Variants in MED12L observed in about 807,000 individuals in gnomAD.
The protein encoded by MED12L is mediator of RNA polymerase II transcription subunit 12-like protein.
In MED12L, 60 loss-of-function variants were observed where a neutral mutation model predicts 281.3. That is an observed-to-expected ratio of 0.21 (90% CI 0.17 to 0.26). The LOEUF (loss-of-function observed/expected upper bound fraction) is 0.26, where lower values mean the gene tolerates loss of function less well. MED12L is among the 10% of genes least tolerant of loss of function. The pLI is 1.00. For synonymous variants in MED12L, 974 were observed against 987.2 expected (o/e 0.99, Z 0.25); for missense variants, 2,146 against 2,680.9 (o/e 0.80, Z 4.41).
Position 151,252,949 on chromosome 3 carries a change from G to C in MED12L, c.2250+59283G>C, listed in dbSNP as rs2870521. Among the ~76,000 whole-genome samples the C allele has an allele frequency of 3.7e-4, 56 of 152,210 alleles. 1 individual carries two copies. The highest frequency in any genetic ancestry group is 1.1e-3 in the African/African-American group (47 of 41,534). ...ATGTACTACATTAAAATGACATAGG[G>C]AATGTGTATACATTTAGGAGAATAT... On this transcript the variant is annotated intron_variant, in intron 16 of 44. Coordinates refer to ENST00000687756, the MANE Select transcript of MED12L (RefSeq NM_001393769.1).
At chr3:151,344,966 T>C (rs1457483903) in intron 16 of MED12L, among the ~76,000 whole-genome samples, 2 of 152,210 alleles carry the variant, frequency 1.3e-5, no homozygotes, top group Non-Finnish European at 2.9e-5. Flanking sequence ...AAAGATGAAT[T>C]AGAGCAGACC....
chr3:151,400,419 A>G (rs1715526271), intron 39 of MED12L, among the ~76,000 whole-genome samples: 1 of 152,224 alleles, frequency 6.6e-6, no homozygotes, highest in Non-Finnish European at 1.5e-5. Flanking sequence ...ATCATTAATC[A>G]TAAGGATTTT....
chr3:151,209,267 T>G (rs1452621539), intron 16 of MED12L, among the ~76,000 whole-genome samples: 4 of 152,220 alleles, frequency 2.6e-5, no homozygotes, highest in Admixed American at 2.6e-4. Context: ...ATCTTGAGAT[T>G]GCTTTGGGGC....
intron 16 of MED12L, among the ~76,000 whole-genome samples, chr3:151,209,086 CT>C (rs1461817520): frequency 6.6e-6 from 1 of 152,128 alleles, no homozygotes; most frequent in Non-Finnish European, 1.5e-5. Context: ...CAATGAACAC[CT>C]TCAAAAAGTA....
intron 5 of MED12L, among the ~76,000 whole-genome samples, chr3:151,152,085 GTTTTTTTTT>G (rs141353889): frequency 7.9e-5 from 5 of 63,020 alleles, no homozygotes; most frequent in African/African-American, 3.1e-4. Flanking sequence ...GTTGAAGGTG[GTTTTTTTTT>G]TTTTTTTTTT....
At chr3:151,300,757 C>G (rs1745799285) in intron 16 of MED12L, among the ~76,000 whole-genome samples, 1 of 152,148 alleles carries the variant, frequency 6.6e-6, no homozygotes, top group South Asian at 2.1e-4. Context: ...ACAAAGCAAA[C>G]TTGAGGCTGG....
chr3:151,359,846 T>C (rs1384550676), intron 20 of MED12L, among the ~76,000 whole-genome samples: 1 of 152,160 alleles, frequency 6.6e-6, no homozygotes, highest in Non-Finnish European at 1.5e-5. Flanking sequence ...TATGGACTTC[T>C]GTGTTGTATG....
chr3:151,154,177 G>T (rs916367040), intron 5 of MED12L, among the ~76,000 whole-genome samples: 2 of 151,938 alleles, frequency 1.3e-5, no homozygotes, highest in Admixed American at 6.6e-5. Context: ...TTACTAATCC[G>T]CATCCACTCG....
chr3:151,307,584 T>C (rs971751903), intron 16 of MED12L, among the ~76,000 whole-genome samples: 3 of 112,066 alleles, frequency 2.7e-5, no homozygotes, highest in Middle Eastern at 5.7e-3. Context: ...TGTGTGTGTG[T>C]GTTTAGAGCA....
At chr3:151,278,399 A>G (rs572358106) in intron 16 of MED12L, 1 of 152,350 alleles carries the variant, frequency 6.6e-6, no homozygotes, top group African/African-American at 2.4e-5. Flanking sequence ...TCAACTACGG[A>G]TGAAAATCAG....
intron 16 of MED12L, among the ~76,000 whole-genome samples, chr3:151,236,719 CT>C (rs1221535198): frequency 5.5e-4 from 83 of 152,230 alleles, no homozygotes; most frequent in African/African-American, 1.9e-3. Context: ...TATGTAATCT[CT>C]TCATGATTTT....
intron 16 of MED12L, chr3:151,327,834 C>G (rs192372273): frequency 2.2e-5 from 12 of 542,298 alleles, no homozygotes; most frequent in Non-Finnish European, 3.5e-5. Flanking sequence ...ATGAATAGAT[C>G]TATGTGGATT....
intron 16 of MED12L, chr3:151,327,947 CG>C (rs1560032788): frequency 2.2e-6 from 3 of 1,333,734 alleles, no homozygotes; most frequent in Non-Finnish European, 3.1e-6. Context: ...ACATTATCTA[CG>C]GAAGTCTCAT....
At chr3:151,239,608 A>C (rs1256480194) in intron 16 of MED12L, among the ~76,000 whole-genome samples, 1 of 152,226 alleles carries the variant, frequency 6.6e-6, no homozygotes, top group East Asian at 1.9e-4. Flanking sequence ...TATAACTGTC[A>C]CAATTTTAAT....
intron 38 of MED12L, among the ~76,000 whole-genome samples, chr3:151,392,644 CCCA>C (rs2108240604): frequency 6.6e-6 from 1 of 152,146 alleles, no homozygotes; most frequent in Admixed American, 6.5e-5. Context: ...AAAACAATCT[CCCA>C]CCATCACTCA....
intron 16 of MED12L, among the ~76,000 whole-genome samples, chr3:151,322,465 G>A (rs568709618): frequency 4.6e-5 from 7 of 152,104 alleles, no homozygotes; most frequent in East Asian, 1.9e-4. Context: ...CCAAAATGCT[G>A]GGATTATAGG....
intron 16 of MED12L, among the ~76,000 whole-genome samples, chr3:151,314,188 C>G (rs142733874): frequency 7.9e-5 from 12 of 152,176 alleles, no homozygotes; most frequent in Non-Finnish European, 1.5e-4. Context: ...CTAAATGGAA[C>G]TTAATCAGTG....
intron 16 of MED12L, among the ~76,000 whole-genome samples, chr3:151,341,905 A>G (rs912603275): frequency 7.9e-5 from 12 of 152,064 alleles, no homozygotes; most frequent in Admixed American, 7.2e-4. Flanking sequence ...AAGGACATGA[A>G]CTCATCATTT....
In MED12L at chr3:151,360,479, G is replaced by A; in HGVS notation, c.2831G>A (p.Cys944Tyr). ...DQTAQVFEGLCGVVKHVVNPS... is the reference protein window; with the variant it reads ...DQTAQVFEGLYGVVKHVVNPS... ...TCGTATATTTTTCTCCTCAGGTTGT[G>A]TGGTGTGGTCAAGCATGTCGTAAAC... The change falls in exon 21 of 45, where the codon TGT becomes TAT. Residue 944 changes from cysteine to tyrosine, a missense_variant. By Grantham distance (194) the Cys-to-Tyr change is radical. Around this residue, in one of 9 missense-constraint regions of MED12L, gnomAD observed 404 missense variants for 603.5 expected, o/e 0.67. Coordinates refer to ENST00000687756, the MANE Select transcript of MED12L (RefSeq NM_001393769.1). 6.2e-7 allele frequency: 1 copy of A among 1,612,040 alleles called. No homozygotes were observed. The highest frequency in any genetic ancestry group is 8.5e-7 in the Non-Finnish European group (1 of 1,178,800).
Sources: gnomAD v4.1 joint callset for allele counts (sites outside exome capture counted in the v4.1 genomes callset) on GRCh38, gnomAD v4.1.1 for gene constraint, gnomAD v4.1.1 regional missense constraint, MANE v1.5 for transcripts, NCBI Gene and HGNC (gene_info 2026-07-23, HGNC 2026-07-21) for gene names.